Variants in MSRB3 observed in about 807,000 individuals in gnomAD.
MSRB3 encodes the protein methionine-R-sulfoxide reductase B3.
A neutral mutation model predicts 21.0 loss-of-function variants in MSRB3; 13 were observed. The ratio of observed to expected loss-of-function variants is 0.62; its 90% CI spans 0.40 to 0.98. The LOEUF (loss-of-function observed/expected upper bound fraction) is 0.98. MSRB3 is among the 50% of genes least tolerant of loss of function. The pLI is 0.00. For synonymous variants in MSRB3, 87 were observed against 88.6 expected (o/e 0.98, Z 0.10); for missense variants, 199 against 230.3 (o/e 0.86, Z 0.88).
At chr12:65,308,819 A>G (rs1873811060) in intron 2 of MSRB3, 164 bp downstream of exon 2, 6 of 865,300 alleles carry the variant, frequency 6.9e-6, no homozygotes, top group Non-Finnish European at 1.1e-5. Flanking sequence ...ACTTTGAGTA[A>G]CATTCATTTC....
At chr12:65,423,375 C>T (rs1388674739) in intron 5 of MSRB3, among the ~76,000 whole-genome samples, 1 of 152,108 alleles carries the variant, frequency 6.6e-6, no homozygotes, top group Non-Finnish European at 1.5e-5. Context: ...CTGACTGGGA[C>T]TTTTAGTACA....
chr12:65,281,867 C>T (rs1431239769), intron 1 of MSRB3: 1 of 152,204 alleles, frequency 6.6e-6, no homozygotes, highest in South Asian at 2.1e-4. Context: ...ATCTACCTAT[C>T]TGATTTAGCA....
intron 5 of MSRB3, among the ~76,000 whole-genome samples, chr12:65,402,527 A>G (rs1880187537): frequency 1.3e-5 from 2 of 152,140 alleles, no homozygotes; most frequent in East Asian, 3.9e-4. Context: ...CCTTTCTTCA[A>G]GGTTCTTAGC....
At chr12:65,456,825 T>C (rs1230257751) in intron 6 of MSRB3, among the ~76,000 whole-genome samples, 3 of 152,214 alleles carry the variant, frequency 2.0e-5, no homozygotes, top group Non-Finnish European at 4.4e-5. Context: ...ACGAATGGTA[T>C]GTGTGCCACA....
At position 65,358,946 on chromosome 12, in the gene MSRB3, G is replaced by A. The variant is rs144907126; in HGVS notation, c.264-10052G>A. 5.7e-4 allele frequency among the ~76,000 whole-genome samples: 86 copies of A among 151,472 alleles called. 1 individual carries two copies. The highest frequency in any genetic ancestry group is 3.4e-3 in the Middle Eastern group (1 of 294). ...TCCTTCCTGGATGCATTGGCCTCCC[G>A]TCACCCTGCCTTTTTTCTTTCTTCT... On this transcript the variant is annotated intron_variant, in intron 4 of 6. Coordinates refer to ENST00000308259, the MANE Select transcript of MSRB3 (RefSeq NM_001031679.3).
Position 65,463,748 on chromosome 12 carries a change from C to T in MSRB3, c.*426C>T, listed in dbSNP as rs945539551. ...CCTGCAAGACACATGGCCTTGAGGC[C>T]TTTGCACAGACCCACCTAAGATAAG... On this transcript the variant is annotated 3_prime_UTR_variant, in exon 7 of 7. Transcript: ENST00000308259. The T allele has an allele frequency of 2.6e-5, 5 of 191,156 alleles. No homozygotes were observed. The highest frequency in any genetic ancestry group is 4.3e-5 in the Non-Finnish European group (4 of 92,102). 11.8% of individuals were successfully genotyped at this position (191,156 alleles called of 1,614,324 possible).
intron 5 of MSRB3, among the ~76,000 whole-genome samples, chr12:65,438,493 C>A (rs1302226345): frequency 6.6e-6 from 1 of 151,808 alleles, no homozygotes; most frequent in Non-Finnish European, 1.5e-5. Flanking sequence ...TAAAGCCTAG[C>A]AAGATGATAC....
intron 5 of MSRB3, among the ~76,000 whole-genome samples, chr12:65,400,110 G>C (rs570737610): frequency 6.6e-6 from 1 of 152,166 alleles, no homozygotes; most frequent in African/African-American, 2.4e-5. Flanking sequence ...GATGATGCTG[G>C]CCTCATAAAG....
At position 65,419,991 on chromosome 12, in the gene MSRB3, G is replaced by T. The variant is rs549697342; in HGVS notation, c.293-33737G>T. The T allele has an allele frequency of 5.3e-6, 3 of 566,478 alleles. No homozygotes were observed. In the African/African-American group the frequency reaches 5.7e-5, roughly 11 times the overall value. 35.1% of individuals were successfully genotyped at this position (566,478 alleles called of 1,614,324 possible). A position where few individuals can be genotyped will look rare whatever the true frequency, so the allele number is the denominator to read the frequency against. On this transcript the variant is annotated intron_variant, in intron 5 of 6. Transcript: ENST00000308259. ...GGAGCCCAGGGATGGGTAGGTAGTTGGTGGACAAGGTGGAGCGAGTGGTGA... is the reference window on the plus strand; with the variant it reads ...GGAGCCCAGGGATGGGTAGGTAGTTTGTGGACAAGGTGGAGCGAGTGGTGA...
intron 5 of MSRB3, among the ~76,000 whole-genome samples, chr12:65,371,643 A>G (rs1878335121): frequency 6.6e-6 from 1 of 152,016 alleles, no homozygotes; most frequent in Non-Finnish European, 1.5e-5. Context: ...AAGTATATCA[A>G]GGAAAGTACC....
At chr12:65,460,777 G>GA (rs1436270589) in intron 6 of MSRB3, among the ~76,000 whole-genome samples, 1 of 140,858 alleles carries the variant, frequency 7.1e-6, no homozygotes, top group African/African-American at 2.7e-5. Context: ...GACACACCTA[G>GA]AATCAGTGTT....
At chr12:65,319,996 G>A (rs1874555622) in intron 2 of MSRB3, among the ~76,000 whole-genome samples, 1 of 152,080 alleles carries the variant, frequency 6.6e-6, no homozygotes, top group Non-Finnish European at 1.5e-5. Context: ...CAACTATGCA[G>A]CACTAAAACA....
intron 2 of MSRB3, among the ~76,000 whole-genome samples, chr12:65,324,851 G>A (rs1874909725): frequency 2.0e-5 from 3 of 152,170 alleles, no homozygotes; most frequent in African/African-American, 7.2e-5. Flanking sequence ...ATACAGATGG[G>A]TAGCTTAGTT....
chr12:65,294,820 G>T (rs1872861850), intron 1 of MSRB3, among the ~76,000 whole-genome samples: 1 of 151,904 alleles, frequency 6.6e-6, no homozygotes, highest in African/African-American at 2.4e-5. Context: ...GGTTTCTGTG[G>T]GTTTTTTTGT....
chr12:65,308,873 C>A (rs1242609534), intron 2 of MSRB3: 8 of 632,342 alleles, frequency 1.3e-5, no homozygotes, highest in Non-Finnish European at 1.9e-5. Context: ...TTTCCTTGCC[C>A]AGTGTATAAT....
intron 2 of MSRB3, among the ~76,000 whole-genome samples, chr12:65,317,236 C>G (rs1874359468): frequency 6.6e-6 from 1 of 152,110 alleles, no homozygotes; most frequent in African/African-American, 2.4e-5. Flanking sequence ...TGGATCTCAT[C>G]ATGAAATTGA....
intron 1 of MSRB3, among the ~76,000 whole-genome samples, chr12:65,300,194 G>A (rs1032378077): frequency 2.6e-5 from 4 of 152,130 alleles, no homozygotes; most frequent in East Asian, 1.9e-4. Flanking sequence ...TCTTCACATC[G>A]TCATTTTATT....
intron 1 of MSRB3, among the ~76,000 whole-genome samples, chr12:65,303,067 T>C (rs1873437141): frequency 1.3e-5 from 2 of 152,104 alleles, no homozygotes; most frequent in South Asian, 4.1e-4. Flanking sequence ...TGTTGGCTCC[T>C]ACAGTTCTGG....
chr12:65,433,983 G>A (rs1565890245), intron 5 of MSRB3, among the ~76,000 whole-genome samples: 1 of 151,876 alleles, frequency 6.6e-6, no homozygotes, highest in African/African-American at 2.4e-5. Flanking sequence ...AATCCTCAGT[G>A]GTGGAGAGTC....
Sources: gnomAD v4.1 joint callset for allele counts (sites outside exome capture counted in the v4.1 genomes callset) on GRCh38, gnomAD v4.1.1 for gene constraint, MANE v1.5 for transcripts, NCBI Gene and HGNC (gene_info 2026-07-23, HGNC 2026-07-21) for gene names.